The following NEMF variants were observed in gnomAD, a reference collection of about 807,000 sequenced individuals.
NEMF encodes ribosome quality control complex subunit NEMF.
Under a neutral mutation model 162.2 loss-of-function variants are expected in NEMF, and 89 were observed. That is an observed-to-expected ratio of 0.55 (90% CI 0.46 to 0.65). The LOEUF (loss-of-function observed/expected upper bound fraction) is 0.65, where lower values mean the gene tolerates loss of function less well. Ranked by LOEUF, NEMF falls within the 30% of genes least tolerant of loss-of-function variation. NEMF has a pLI of 0.00. For missense variants in NEMF, 1,133 were observed against 1,261.9 expected, an observed-to-expected ratio of 0.90 and a Z score of 1.55; for synonymous variants, 421 against 404.5, an observed-to-expected ratio of 1.04 and a Z score of -0.49.
At chr14:49,791,623 G>T (rs1211747944) in intron 26 of NEMF, among the ~76,000 whole-genome samples, 1 of 151,822 alleles carries the variant, frequency 6.6e-6, no homozygotes, top group Non-Finnish European at 1.5e-5. Flanking sequence ...TGTAGTCCCA[G>T]CTACTCAGAA....
intron 26 of NEMF, among the ~76,000 whole-genome samples, chr14:49,790,336 T>C (rs1414713125): frequency 6.6e-6 from 1 of 152,150 alleles, no homozygotes; most frequent in Non-Finnish European, 1.5e-5. Context: ...AGAACCCTTA[T>C]ACATCAACTA....
chr14:49,798,764 G>A (rs777522439), intron 25 of NEMF, among the ~76,000 whole-genome samples: 6 of 152,066 alleles, frequency 3.9e-5, no homozygotes, highest in African/African-American at 7.2e-5. Flanking sequence ...AAAATTAGCC[G>A]GGCATGGTGG....
rs531826968 is a variant in NEMF at position 49,817,446 on chromosome 14, CAAAA to C, written c.1578-2593_1578-2590del. On this transcript the variant is annotated intron_variant, in intron 16 of 32. Coordinates refer to ENST00000298310, the MANE Select transcript of NEMF (RefSeq NM_004713.6). ...CAGAGCAAGACTATGTCTCAAAAAA[CAAAA>C]AACAAACAAATAAAAAAGATATACC... Among the ~76,000 whole-genome samples, 304 of 151,904 alleles carry C rather than the reference CAAAA, an allele frequency of 2.0e-3. 2 individuals carry two copies. The highest frequency in any genetic ancestry group is 6.6e-3 in the African/African-American group (273 of 41,470).
chr14:49,782,453 G>A lies in NEMF; in HGVS notation c.*2183C>T, dbSNP rs775365639. 11 of 1,610,792 alleles carry A rather than the reference G, an allele frequency of 6.8e-6. No individual in the cohort carries two copies. The African/African-American group carries it at 1.3e-4, about 20-fold the overall frequency. On this transcript the variant is annotated 3_prime_UTR_variant, in exon 33 of 33. Coordinates refer to ENST00000298310, the MANE Select transcript of NEMF (RefSeq NM_004713.6). ...GCCAACAACTTGCTTGTCCATCACA[G>A]AGCTGTAAGTATACTACCTTCACAT...
chr14:49,852,001 C>A, intron 1 of NEMF, 126 bp from the exon 2 acceptor site: 1 of 608,606 alleles, frequency 1.6e-6, no homozygotes, highest in Non-Finnish European at 2.8e-6. Context: ...AGCCGAGGAG[C>A]AGAGTCTGAA....
chr14:49,852,737 C>CT lies in NEMF; in HGVS notation c.16dup (p.Ser6LysfsTer4). 6.2e-7 allele frequency: 1 copy of CT among 1,614,262 alleles called. No individual in the cohort carries two copies. On this transcript the variant is annotated frameshift_variant, in exon 1 of 33. Transcript: ENST00000298310. LOFTEE classifies it high-confidence loss of function. ...GAGTACGGCGCGGAGGTCAATGGTGCTAAAGCGGCTCTTCATGGCGAGGCC... is the reference window on the plus strand; with the variant it reads ...GAGTACGGCGCGGAGGTCAATGGTGCTTAAAGCGGCTCTTCATGGCGAGGCC...
At chr14:49,813,959 G>A in intron 18 of NEMF, 29 bp downstream of exon 18, 1 of 1,259,418 alleles carries the variant, frequency 7.9e-7, no homozygotes, top group Non-Finnish European at 1.2e-6. Context: ...GAAAGGAACA[G>A]GAATTCTGAA....
rs1889985318 is a variant in NEMF, at chr14:49,783,032, A to C, written c.*1604T>G. The C allele has an allele frequency of 6.9e-7, 1 of 1,444,012 alleles. No individual in the cohort carries two copies. Among genetic ancestry groups the C allele is most frequent in the East Asian group, 2.3e-5 (1 of 43,006 alleles). 89.4% of individuals were successfully genotyped at this position (1,444,012 alleles called of 1,614,324 possible). Reference sequence around the variant, plus strand: ...ATCACAGAGTGGCATCATTTGTATAATTATATGCATTGTTGTAGTTTGCAC... The same window carrying C: ...ATCACAGAGTGGCATCATTTGTATACTTATATGCATTGTTGTAGTTTGCAC... On this transcript the variant is annotated 3_prime_UTR_variant, in exon 33 of 33. Transcript: ENST00000298310.
chr14:49,852,102 C>T (rs1242385361), intron 1 of NEMF, among the ~76,000 whole-genome samples: 2 of 151,948 alleles, frequency 1.3e-5, no homozygotes, highest in Admixed American at 6.6e-5. Flanking sequence ...CTATAGCTTG[C>T]GTCTTCCAAA....
At chr14:49,803,211 T>A in intron 20 of NEMF, 26 bp downstream of exon 20, 2 of 1,506,738 alleles carry the variant, frequency 1.3e-6, no homozygotes, top group African/African-American at 1.4e-5. Context: ...ACAAGTCTAG[T>A]GATATTTTTC....
At chr14:49,838,658 C>T (rs1893031536) in intron 5 of NEMF, among the ~76,000 whole-genome samples, 1 of 149,256 alleles carries the variant, frequency 6.7e-6, no homozygotes, top group Non-Finnish European at 1.5e-5. Flanking sequence ...GATCTCGGCT[C>T]GCTACAAGCT....
intron 16 of NEMF, among the ~76,000 whole-genome samples, chr14:49,823,284 G>A (rs929803695): frequency 1.3e-5 from 2 of 151,650 alleles, no homozygotes; most frequent in Non-Finnish European, 2.9e-5. Context: ...AAACAACTTG[G>A]AGAAGACAGA....
intron 1 of NEMF, 91 bp downstream of exon 1, chr14:49,852,603 GA>G (rs1893836465): frequency 1.4e-6 from 2 of 1,384,012 alleles, no homozygotes; most frequent in Non-Finnish European, 1.0e-6. Flanking sequence ...AGGAAATAAG[GA>G]AACATATCAA....
At chr14:49,826,747 ATCTATAT>A (rs1355521427) in intron 15 of NEMF, among the ~76,000 whole-genome samples, 1 of 152,162 alleles carries the variant, frequency 6.6e-6, no homozygotes, top group East Asian at 1.9e-4. Flanking sequence ...CTTTCATGCA[ATCTATAT>A]TCTAGAGGGA....
chr14:49,782,113 C>G lies in NEMF; in HGVS notation c.*2523G>C, dbSNP rs1889930654. On this transcript the variant is annotated 3_prime_UTR_variant, in exon 33 of 33. Transcript: ENST00000298310. The stretch of plus-strand genomic sequence containing the variant: ...TACGATTTTTATTGCTAACAAAGAC[C>G]TAGAGAACAGATCGTTCAGTTCAAA... 2 of 431,552 alleles carry G rather than the reference C, an allele frequency of 4.6e-6. No homozygotes were observed. The highest frequency in any genetic ancestry group is 4.1e-5 in the Admixed American group (1 of 24,518). The allele number at this position is 431,552 out of a possible 1,614,324, so 26.7% of individuals were successfully genotyped here.
At chr14:49,787,488 C>T (rs1023861832) in intron 28 of NEMF, among the ~76,000 whole-genome samples, 11 of 152,150 alleles carry the variant, frequency 7.2e-5, no homozygotes, top group African/African-American at 9.7e-5. Flanking sequence ...GAGTTCGACA[C>T]CAGCCTGGGC....
In NEMF at chr14:49,828,635, C is replaced by G; in HGVS notation, c.1405G>C (p.Ala469Pro). The change falls in exon 14 of 33, where the codon GCA becomes CCA. Residue 469 changes from alanine (A) to proline (P), a missense_variant. Ala to Pro is a conservative substitution (Grantham distance 27, BLOSUM62 -1). Coordinates refer to ENST00000298310, the MANE Select transcript of NEMF (RefSeq NM_004713.6). ...ACTTACTTTTTGGCATTGGCATATGCTGACAAGCTGAGATCAACATCTACA... is the reference window on the plus strand; with the variant it reads ...ACTTACTTTTTGGCATTGGCATATGGTGACAAGCTGAGATCAACATCTACA... ...LLVDVDLSLSAYANAKKYYDH... is the reference protein window; with the variant it reads ...LLVDVDLSLSPYANAKKYYDH... 6.4e-7 allele frequency: 1 copy of G among 1,572,550 alleles called. No homozygotes were observed. Among genetic ancestry groups the G allele is most frequent in the South Asian group, 1.2e-5 (1 of 81,984 alleles).
intron 3 of NEMF, among the ~76,000 whole-genome samples, chr14:49,848,387 G>A (rs572041422): frequency 1.3e-3 from 194 of 152,138 alleles, no homozygotes; most frequent in African/African-American, 4.5e-3. Flanking sequence ...TACTCTTTTA[G>A]ATTACATGTA....
chr14:49,835,312 G>A (rs964234245), intron 6 of NEMF, among the ~76,000 whole-genome samples: 1 of 151,864 alleles, frequency 6.6e-6, no homozygotes, highest in Non-Finnish European at 1.5e-5. Flanking sequence ...GGAATTTAAT[G>A]GGCTTCAACC....
Sources: allele counts gnomAD v4.1 joint callset (sites outside exome capture counted in the v4.1 genomes callset), GRCh38; gene constraint gnomAD v4.1.1; transcripts MANE v1.5; gene names NCBI Gene and HGNC (gene_info 2026-07-23, HGNC 2026-07-21).